ARMH3: variants seen among roughly 807,000 people sequenced by gnomAD.
ARMH3 encodes armadillo-like helical domain-containing protein 3.
Under a neutral mutation model 99.1 loss-of-function variants are expected in ARMH3, and 60 were observed. The ratio of observed to expected loss-of-function variants is 0.61; its 90% CI spans 0.49 to 0.75. ARMH3 has a LOEUF of 0.75. Among genes scored for constraint, ARMH3 ranks in the 30% least tolerant of loss-of-function variants. The pLI is 0.00. For synonymous variants in ARMH3, 285 were observed against 292.8 expected, an observed-to-expected ratio of 0.97 and a Z score of 0.27; for missense variants, 679 against 843.1, an observed-to-expected ratio of 0.81 and a Z score of 2.41.
chr10:101,868,466 C>A (rs1034146577), intron 24 of ARMH3, among the ~76,000 whole-genome samples: 2 of 152,110 alleles, frequency 1.3e-5, no homozygotes, highest in African/African-American at 4.8e-5. Flanking sequence ...TGGATTTCCA[C>A]AAAGTTAGTT....
At chr10:101,864,715 G>A (rs2066958003) in intron 24 of ARMH3, among the ~76,000 whole-genome samples, 1 of 152,116 alleles carries the variant, frequency 6.6e-6, no homozygotes, top group Non-Finnish European at 1.5e-5. Context: ...GACACAGGTT[G>A]GGGAACATCA....
chr10:101,934,952 G>C (rs1256226851), intron 23 of ARMH3, among the ~76,000 whole-genome samples: 1 of 151,880 alleles, frequency 6.6e-6, no homozygotes, highest in East Asian at 1.9e-4. Context: ...ACGGGTTTTA[G>C]ATACTAAAGT....
At chr10:101,869,757 G>T (rs2067090431) in intron 24 of ARMH3, among the ~76,000 whole-genome samples, 1 of 152,158 alleles carries the variant, frequency 6.6e-6, no homozygotes, top group South Asian at 2.1e-4. Context: ...TAACAGGCTG[G>T]GCATAGTGGT....
chr10:101,882,724 C>T (rs777414148), intron 24 of ARMH3, among the ~76,000 whole-genome samples: 23 of 152,144 alleles, frequency 1.5e-4, no homozygotes, highest in Non-Finnish European at 2.9e-4. Flanking sequence ...GTCTCGAACT[C>T]CTGACCTCGT....
intron 22 of ARMH3, chr10:101,952,643 G>A (rs1844843792): frequency 6.6e-6 from 1 of 152,230 alleles, no homozygotes; most frequent in Non-Finnish European, 1.5e-5. Flanking sequence ...AGGGGGAAAA[G>A]AGGAGAAGTT....
At chr10:101,890,273 T>C (rs1042413623) in intron 23 of ARMH3, among the ~76,000 whole-genome samples, 2 of 151,690 alleles carry the variant, frequency 1.3e-5, no homozygotes, top group African/African-American at 2.4e-5. Context: ...AGACAGGGTG[T>C]CACTCTGTTA....
At chr10:102,011,210 T>C (rs1364136706) in intron 11 of ARMH3, among the ~76,000 whole-genome samples, 2 of 151,986 alleles carry the variant, frequency 1.3e-5, no homozygotes, top group African/African-American at 4.8e-5. Flanking sequence ...CCTAAGCTAT[T>C]AGAAGAGTGG....
chr10:101,970,404 T>C (rs554258058), intron 20 of ARMH3, among the ~76,000 whole-genome samples: 3 of 152,348 alleles, frequency 2.0e-5, no homozygotes, highest in African/African-American at 7.2e-5. Context: ...CTATTATTAT[T>C]ATTATTCGGC....
At position 101,904,114 on chromosome 10, in the gene ARMH3, C is replaced by A. The variant is rs4919601; in HGVS notation, c.1782-14624G>T. Among the ~76,000 whole-genome samples, 280 of 152,368 alleles carry A rather than the reference C, an allele frequency of 1.8e-3. 3 individuals carry two copies. The highest frequency in any genetic ancestry group is 0.017 in the Admixed American group (253 of 15,312). On this transcript the variant is annotated intron_variant, in intron 23 of 25. Transcript: ENST00000370033. Reference sequence around the variant, plus strand: ...AGTCTCTGATCTCCACCAAACCACACTGACGACACTAAATGGCTTGGCTTT... The same window carrying A: ...AGTCTCTGATCTCCACCAAACCACAATGACGACACTAAATGGCTTGGCTTT...
chr10:101,862,763 A>T (rs1488251882), intron 24 of ARMH3, among the ~76,000 whole-genome samples: 1 of 152,164 alleles, frequency 6.6e-6, no homozygotes, highest in Non-Finnish European at 1.5e-5. Context: ...AAGAACAATG[A>T]GTGGATGGGA....
At chr10:101,853,634 A>G (rs2066661312) in intron 24 of ARMH3, among the ~76,000 whole-genome samples, 1 of 152,192 alleles carries the variant, frequency 6.6e-6, no homozygotes, top group South Asian at 2.1e-4. Context: ...CGCAAGCACA[A>G]GGCTACCTTC....
At chr10:101,985,692 C>T (rs1011069751) in intron 19 of ARMH3, among the ~76,000 whole-genome samples, 3 of 151,824 alleles carry the variant, frequency 2.0e-5, no homozygotes, top group South Asian at 4.2e-4. Context: ...ACATCCTGGA[C>T]GACAAAGCAA....
At chr10:102,018,837 G>C (rs1485242201) in intron 8 of ARMH3, among the ~76,000 whole-genome samples, 1 of 152,000 alleles carries the variant, frequency 6.6e-6, no homozygotes, top group Middle Eastern at 3.2e-3. Flanking sequence ...CATGCCTGTA[G>C]TCCCAGCTGC....
chr10:101,966,978 A>C (rs1390300948), intron 20 of ARMH3, among the ~76,000 whole-genome samples: 1 of 137,606 alleles, frequency 7.3e-6, no homozygotes, highest in Non-Finnish European at 1.7e-5. Flanking sequence ...GGAAAGAGAC[A>C]GCCTCCAGGA....
chr10:101,948,311 AG>A (rs148228574), intron 22 of ARMH3, among the ~76,000 whole-genome samples: 31,938 of 152,124 alleles, frequency 0.21, 3,714 homozygotes, highest in East Asian at 0.52. Flanking sequence ...GGATCAGTTA[AG>A]TCCAAGAGTT....
chr10:102,052,980 C>T lies in ARMH3; in HGVS notation c.-12+3105G>A, dbSNP rs371422410. Among the ~76,000 whole-genome samples the T allele has an allele frequency of 1.4e-4, 22 of 152,034 alleles. No individual in the cohort carries two copies. In the South Asian group the frequency reaches 4.0e-3, roughly 27 times the overall value. ...CTAATCCATATCCTGTCAATGAAAT[C>T]CCCATACATCCACTCTCTCAAATTA... On this transcript the variant is annotated intron_variant, in intron 1 of 25. Transcript: ENST00000370033.
intron 23 of ARMH3, among the ~76,000 whole-genome samples, chr10:101,892,406 T>C (rs1355306427): frequency 6.6e-6 from 1 of 151,918 alleles, no homozygotes; most frequent in Non-Finnish European, 1.5e-5. Context: ...CTGCAGTGAG[T>C]GGTGTTTGTG....
At chr10:101,917,473 T>G (rs533171665) in intron 23 of ARMH3, among the ~76,000 whole-genome samples, 1 of 152,240 alleles carries the variant, frequency 6.6e-6, no homozygotes, top group Non-Finnish European at 1.5e-5. Flanking sequence ...ATTATATAGA[T>G]GTACCATAGT....
Position 101,975,232 on chromosome 10 carries a change from G to C in ARMH3, c.1475C>G (p.Thr492Ser). Reference protein sequence around the residue: ...QKKCRVRLHYTWRELWSALIN... With the variant: ...QKKCRVRLHYSWRELWSALIN... ...GTTACCTGACCAGAGCTCCCGCCAG[G>C]TGTAATGCAGGCGTACCCGACACTT... Residue 492 changes from threonine to serine, a missense_variant, in exon 20 of 26, where the codon ACC becomes AGC. Around this residue, in one of 3 missense-constraint regions of ARMH3, gnomAD observed 389 missense variants for 456.5 expected, o/e 0.85. Transcript: ENST00000370033. 1.2e-6 allele frequency: 2 copies of C among 1,612,182 alleles called. No homozygotes were observed. Among genetic ancestry groups the C allele is most frequent in the Non-Finnish European group, 1.7e-6 (2 of 1,178,782 alleles).
Sources: allele counts gnomAD v4.1 joint callset (sites outside exome capture counted in the v4.1 genomes callset), GRCh38; gene constraint gnomAD v4.1.1; regional missense constraint gnomAD v4.1.1; transcripts MANE v1.5; gene names NCBI Gene and HGNC (gene_info 2026-07-23, HGNC 2026-07-21).